GRIK4: variants seen among roughly 807,000 people sequenced by gnomAD.
GRIK4 encodes the protein glutamate ionotropic receptor kainate type subunit 4, also known as glutamate receptor ionotropic, kainate 4.
A neutral mutation model predicts 104.9 loss-of-function variants in GRIK4; 40 were observed. The ratio of observed to expected loss-of-function variants is 0.38; its 90% CI spans 0.30 to 0.50. GRIK4 has a LOEUF of 0.50. Ranked by LOEUF, GRIK4 falls within the 20% of genes least tolerant of loss-of-function variation. GRIK4 has a pLI of 0.93. For missense variants in GRIK4, 1,047 were observed against 1,308.1 expected, an observed-to-expected ratio of 0.80 and a Z score of 3.08; for synonymous variants, 485 against 524.9, an observed-to-expected ratio of 0.92 and a Z score of 1.04.
intron 16 of GRIK4, among the ~76,000 whole-genome samples, chr11:120,957,711 G>A (rs1425139395): frequency 1.3e-5 from 2 of 151,670 alleles, no homozygotes; most frequent in Non-Finnish European, 2.9e-5. Context: ...TAGCATACAG[G>A]ACTTACGACC....
intron 1 of GRIK4, among the ~76,000 whole-genome samples, chr11:120,531,139 T>C (rs912905678): frequency 6.6e-6 from 1 of 152,112 alleles, no homozygotes; most frequent in Non-Finnish European, 1.5e-5. Flanking sequence ...CTTGAGAGAG[T>C]GCTTTGCTTA....
At chr11:120,976,272 C>G (rs1374587125) in intron 19 of GRIK4, among the ~76,000 whole-genome samples, 1 of 152,162 alleles carries the variant, frequency 6.6e-6, no homozygotes, top group Non-Finnish European at 1.5e-5. Flanking sequence ...CAAAATTTAT[C>G]ACATACCTCT....
chr11:120,809,734 G>A (rs1457585514), intron 4 of GRIK4, among the ~76,000 whole-genome samples: 2 of 152,150 alleles, frequency 1.3e-5, no homozygotes, highest in Non-Finnish European at 2.9e-5. Flanking sequence ...ACAAACCCTC[G>A]AGGCCTGATG....
intron 1 of GRIK4, among the ~76,000 whole-genome samples, chr11:120,564,996 G>T (rs1948300190): frequency 6.6e-6 from 1 of 152,230 alleles, no homozygotes; most frequent in Non-Finnish European, 1.5e-5. Context: ...GGGGGGGTGG[G>T]GTGTCCTGTG....
intron 1 of GRIK4, among the ~76,000 whole-genome samples, chr11:120,544,090 A>G (rs1292751243): frequency 6.6e-6 from 1 of 152,226 alleles, no homozygotes; most frequent in Non-Finnish European, 1.5e-5. Context: ...ACTGTGTTCT[A>G]TACTTAGAAT....
intron 1 of GRIK4, among the ~76,000 whole-genome samples, chr11:120,530,782 T>C (rs1947915725): frequency 6.6e-6 from 1 of 152,032 alleles, no homozygotes; most frequent in African/African-American, 2.4e-5. Context: ...AAGACAGAGA[T>C]GGCCCTGGGG....
At chr11:120,612,489 A>G (rs1001673834) in intron 1 of GRIK4, among the ~76,000 whole-genome samples, 1 of 107,808 alleles carries the variant, frequency 9.3e-6, no homozygotes, top group Non-Finnish European at 1.9e-5. Flanking sequence ...TCCTATTAAG[A>G]CTTTTGAGGC....
Position 120,835,534 on chromosome 11 carries a change from AAAAC to A in GRIK4, c.691-1245_691-1242del, listed in dbSNP as rs112203129. 2.0e-3 allele frequency among the ~76,000 whole-genome samples: 297 copies of A among 151,372 alleles called. 2 individuals carry two copies. The South Asian group carries it at 0.026, about 13-fold the overall frequency. On this transcript the variant is annotated intron_variant, in intron 7 of 20. Coordinates refer to ENST00000527524, the MANE Select transcript of GRIK4 (RefSeq NM_014619.5). ...CAGAGTGAGACTCTGACTCAAAGAA[AAAAC>A]AAACAAACAAAAAAAGAAGCTCACA...
chr11:120,560,232 A>G (rs1948224892), intron 1 of GRIK4, among the ~76,000 whole-genome samples: 1 of 151,930 alleles, frequency 6.6e-6, no homozygotes, highest in Admixed American at 6.6e-5. Flanking sequence ...TGGTATTTTT[A>G]GTAGAGATGG....
At chr11:120,923,908 C>T (rs1273437119) in intron 13 of GRIK4, among the ~76,000 whole-genome samples, 1 of 152,156 alleles carries the variant, frequency 6.6e-6, no homozygotes, top group East Asian at 1.9e-4. Context: ...GTAGTTCATC[C>T]ACCCAGCACA....
chr11:120,521,464 A>T (rs933761231), intron 1 of GRIK4, among the ~76,000 whole-genome samples: 1 of 152,210 alleles, frequency 6.6e-6, no homozygotes, highest in Non-Finnish European at 1.5e-5. Flanking sequence ...TCACAGGGCC[A>T]CAAACCTGAG....
At chr11:120,732,631 G>C (rs1209627412) in intron 3 of GRIK4, among the ~76,000 whole-genome samples, 3 of 151,966 alleles carry the variant, frequency 2.0e-5, no homozygotes, top group Admixed American at 1.3e-4. Flanking sequence ...TATTTTCTGT[G>C]TGTTTATGTA....
intron 19 of GRIK4, among the ~76,000 whole-genome samples, chr11:120,971,211 C>G (rs1254489392): frequency 6.6e-6 from 1 of 152,182 alleles, no homozygotes; most frequent in Admixed American, 6.5e-5. Context: ...CAAAAATCAA[C>G]ACTTAAGACA....
intron 2 of GRIK4, among the ~76,000 whole-genome samples, chr11:120,656,728 T>C (rs4515980): frequency 1 from 152,332 of 152,334 alleles, 76,165 homozygotes; most frequent in Middle Eastern, 1. Context: ...GTGGTGGGCA[T>C]CTGTAATCCC....
At chr11:120,769,842 A>G (rs1708153891) in intron 3 of GRIK4, among the ~76,000 whole-genome samples, 1 of 152,206 alleles carries the variant, frequency 6.6e-6, no homozygotes, top group Non-Finnish European at 1.5e-5. Flanking sequence ...GTGGACAGTG[A>G]GGCTTACAAC....
Position 120,549,277 on chromosome 11 carries a change from A to T in GRIK4, c.-159+37390A>T, listed in dbSNP as rs1046624257. On this transcript the variant is annotated intron_variant, in intron 1 of 20. Coordinates refer to ENST00000527524, the MANE Select transcript of GRIK4 (RefSeq NM_014619.5). The surrounding 1 kb of genome is among the most constrained non-coding windows in gnomAD (Gnocchi z 4.7). ...CTACACCTGGCTAATTTTTGTATATATTTTTTTTTAAGTAAAGTCGGGCTT... is the reference window on the plus strand; with the variant it reads ...CTACACCTGGCTAATTTTTGTATATTTTTTTTTTTAAGTAAAGTCGGGCTT... Among the ~76,000 whole-genome samples, 7 of 150,938 alleles carry T rather than the reference A, an allele frequency of 4.6e-5. No homozygotes were observed. In the South Asian group the frequency reaches 1.0e-3, roughly 23 times the overall value.
At chr11:120,789,461 C>T (rs1323348900) in intron 3 of GRIK4, among the ~76,000 whole-genome samples, 1 of 152,062 alleles carries the variant, frequency 6.6e-6, no homozygotes, top group Non-Finnish European at 1.5e-5. Context: ...ATCCTCTTTC[C>T]GTGCCCCTCA....
At chr11:120,634,241 C>G (rs2135188131) in intron 1 of GRIK4, among the ~76,000 whole-genome samples, 1 of 152,310 alleles carries the variant, frequency 6.6e-6, no homozygotes, top group African/African-American at 2.4e-5. Context: ...CGCACTCTCT[C>G]TGTCACTCTA....
chr11:120,751,133 G>A, intron 3 of GRIK4, among the ~76,000 whole-genome samples: 1 of 151,908 alleles, frequency 6.6e-6, no homozygotes. Context: ...CCTTGGCATG[G>A]CCCCCCAGGC....
Sources: allele counts gnomAD v4.1 joint callset (sites outside exome capture counted in the v4.1 genomes callset), GRCh38; gene constraint gnomAD v4.1.1; non-coding constraint Gnocchi (gnomAD v3.1); transcripts MANE v1.5; gene names NCBI Gene and HGNC (gene_info 2026-07-23, HGNC 2026-07-21).